Variants in RIF1 observed in about 807,000 individuals in gnomAD.
RIF1 encodes telomere-associated protein RIF1.
RIF1 carries 45 observed loss-of-function variants against 247.1 expected under a neutral mutation model. The ratio of observed to expected loss-of-function variants is 0.18; its 90% CI spans 0.14 to 0.23. RIF1 has a LOEUF of 0.23. Among genes scored for constraint, RIF1 ranks in the 10% least tolerant of loss-of-function variants. The pLI is 1.00. For synonymous variants in RIF1, 1,087 were observed against 978.8 expected (o/e 1.11, Z -2.06); for missense variants, 2,967 against 2,862.5 (o/e 1.04, Z -0.83).
chr2:151,424,203 A>G (rs937046485), intron 8 of RIF1, among the ~76,000 whole-genome samples: 1 of 152,184 alleles, frequency 6.6e-6, no homozygotes, highest in African/African-American at 2.4e-5. Context: ...TCCCGGGTTC[A>G]TGCAATTCTC....
intron 19 of RIF1, 128 bp downstream of exon 19, chr2:151,445,573 G>A: frequency 1.6e-6 from 1 of 640,446 alleles, no homozygotes; most frequent in South Asian, 1.9e-5. Context: ...TTTTGAGACA[G>A]TCTCACATTG....
intron 8 of RIF1, among the ~76,000 whole-genome samples, chr2:151,426,167 A>ATTTTTTTTTT (rs1345679795): frequency 1.2e-5 from 1 of 83,854 alleles, no homozygotes; most frequent in African/African-American, 4.3e-5. Context: ...TTTGGCTTTT[A>ATTTTTTTTTT]ATTTTTTTTT....
At chr2:151,437,150 C>A (rs533359821) in intron 12 of RIF1, 91 bp from the exon 13 acceptor site, 19 of 1,219,502 alleles carry the variant, frequency 1.6e-5, no homozygotes, top group African/African-American at 4.6e-5. Flanking sequence ...GAAAACACAC[C>A]TACTTAATAG....
In RIF1 at chr2:151,475,255, CT is replaced by C. The variant is rs34575263; in HGVS notation, c.*194del. ...TTTTGTAAGTTCATTATGTAAGATC[CT>C]TTTTTTTTTCATAATATGTATTCTT... On this transcript the variant is annotated 3_prime_UTR_variant, in exon 36 of 36. Coordinates refer to ENST00000444746, the MANE Select transcript of RIF1 (RefSeq NM_018151.5). 2,928 of 484,560 alleles carry C rather than the reference CT, an allele frequency of 6.0e-3. 25 individuals are homozygous for C. Among genetic ancestry groups the C allele is most frequent in the East Asian group, 0.036 (1,011 of 27,704 alleles). The allele number at this position is 484,560 out of a possible 1,614,324, so 30.0% of individuals were successfully genotyped here.
the RIF1 span, chr2:151,513,731 A>C: frequency 8.3e-6 from 11 of 1,321,122 alleles, no homozygotes; most frequent in Non-Finnish European, 1.1e-5. Flanking sequence ...AGGTACCTAA[A>C]TGCTACTACT....
chr2:151,496,329 C>T lies in RIF1; in HGVS notation c.*513+1003C>T. The T allele has an allele frequency of 6.2e-7, 1 of 1,611,018 alleles. No individual in the cohort carries two copies. The highest frequency in any genetic ancestry group is 8.5e-7 in the Non-Finnish European group (1 of 1,178,310). On this transcript the variant is annotated intron_variant and NMD_transcript_variant, in intron 10 of 13. Coordinates refer to the RIF1 transcript ENST00000454583. ...ACTCGCTCCATCTCGGGAGTGACAGCTAAAGGAGTTCCCTTGCCCATGTTT... is the reference window on the plus strand; with the variant it reads ...ACTCGCTCCATCTCGGGAGTGACAGTTAAAGGAGTTCCCTTGCCCATGTTT...
chr2:151,516,049 C>G, the RIF1 span, among the ~76,000 whole-genome samples: 1 of 152,254 alleles, frequency 6.6e-6, no homozygotes, highest in South Asian at 2.1e-4. Context: ...TATCTGGGGT[C>G]TTGATAAACA....
chr2:151,500,575 A>AATAAG (rs2063667206), intron 11 of RIF1, among the ~76,000 whole-genome samples: 1 of 151,014 alleles, frequency 6.6e-6, no homozygotes, highest in African/African-American at 2.4e-5. Flanking sequence ...TAAGTATCAA[A>AATAAG]ATAAGATTTC....
chr2:151,516,239 GT>G, the RIF1 span, among the ~76,000 whole-genome samples: 2 of 152,170 alleles, frequency 1.3e-5, no homozygotes, highest in South Asian at 4.1e-4. Flanking sequence ...AGAAATGGCT[GT>G]TGAAATAAGA....
intron 20 of RIF1, among the ~76,000 whole-genome samples, chr2:151,449,790 T>G (rs536424673): frequency 3.3e-5 from 5 of 152,304 alleles, no homozygotes; most frequent in Admixed American, 1.3e-4. Context: ...TTCAAACATA[T>G]GCATGTAAGA....
At chr2:151,520,734 C>T in the RIF1 span, among the ~76,000 whole-genome samples, 1 of 151,768 alleles carries the variant, frequency 6.6e-6, no homozygotes, top group African/African-American at 2.4e-5. Flanking sequence ...CATTGTGGTG[C>T]ACCCCTGTAG....
At chr2:151,450,594 C>CTT (rs527914694) in intron 20 of RIF1, among the ~76,000 whole-genome samples, 1 of 146,558 alleles carries the variant, frequency 6.8e-6, no homozygotes, top group East Asian at 2.0e-4. Context: ...ATAATTCTTT[C>CTT]TTTTTTTTTT....
At chr2:151,426,168 A>ATTTTTTTTTTTTTTTTTTTTTTTTT (rs35001554) in intron 8 of RIF1, among the ~76,000 whole-genome samples, 3 of 58,212 alleles carry the variant, frequency 5.2e-5, no homozygotes, top group African/African-American at 1.4e-4. Flanking sequence ...TTGGCTTTTA[A>ATTTTTTTTTTTTTTTTTTTTTTTTT]TTTTTTTTTT....
intron 11 of RIF1, among the ~76,000 whole-genome samples, chr2:151,502,110 A>C (rs916846378): frequency 6.6e-6 from 1 of 152,214 alleles, no homozygotes; most frequent in Admixed American, 6.5e-5. Context: ...TAAGTGAAGT[A>C]ACTCAGGAAT....
chr2:151,474,738 G>T (rs576903633), intron 35 of RIF1, 119 bp from the exon 36 acceptor site: 498 of 656,512 alleles, frequency 7.6e-4, no homozygotes, highest in Non-Finnish European at 1.2e-3. Context: ...TCCTCATGAA[G>T]ACTTAAGCCT....
At position 151,463,799 on chromosome 2, in the gene RIF1, T is replaced by A; in HGVS notation, c.4279T>A (p.Ser1427Thr). ...AAGGCGACGTTCAGAAGTAGTAGAG[T>A]CTACCACTGAAAGCCAAGATAAGGA... ...SSRRRSEVVE[S>T]TTESQDKENS... Residue 1427 changes from serine to threonine, a missense_variant, in exon 30 of 36, where the codon TCT becomes ACT. Transcript: ENST00000444746. 1 of 1,611,976 alleles carries A rather than the reference T, an allele frequency of 6.2e-7. No individual in the cohort carries two copies. The highest frequency in any genetic ancestry group is 1.7e-5 in the Admixed American group (1 of 59,586).
In RIF1 at chr2:151,451,645, G is replaced by C. The variant is rs767296996; in HGVS notation, c.2284G>C (p.Val762Leu). 1.4e-6 allele frequency: 2 copies of C among 1,474,146 alleles called. No individual in the cohort carries two copies. Among genetic ancestry groups the C allele is most frequent in the African/African-American group, 2.8e-5 (2 of 72,036 alleles). 91.3% of individuals were successfully genotyped at this position (1,474,146 alleles called of 1,614,324 possible). ...FVDRIIYIIT[V>L]MVDCIDFSPY... ...GGATAGAATTATTTATATTATTACTGTAATGGTTGATTGCATTGACTTCTC... is the reference window on the plus strand; with the variant it reads ...GGATAGAATTATTTATATTATTACTCTAATGGTTGATTGCATTGACTTCTC... Residue 762 changes from valine to leucine, a missense_variant, in exon 21 of 36, where the codon GTA (valine) becomes CTA (leucine). This residue lies in a region of RIF1 where 2,028 missense variants were observed against 1,825.6 expected (regional missense o/e 1.11). Coordinates refer to ENST00000444746, the MANE Select transcript of RIF1 (RefSeq NM_018151.5).
chr2:151,506,928 T>C, intron 13 of RIF1: 3 of 1,607,538 alleles, frequency 1.9e-6, no homozygotes, highest in Non-Finnish European at 2.6e-6. Context: ...ATTCTTCTGA[T>C]TTTCTTTTAC....
At chr2:151,448,388 A>G (rs750881866) in intron 20 of RIF1, among the ~76,000 whole-genome samples, 1 of 152,064 alleles carries the variant, frequency 6.6e-6, no homozygotes, top group Non-Finnish European at 1.5e-5. Context: ...CAACAAAGCA[A>G]ATTCCCCCTC....
Sources: allele counts gnomAD v4.1 joint callset (sites outside exome capture counted in the v4.1 genomes callset), GRCh38; gene constraint gnomAD v4.1.1; regional missense constraint gnomAD v4.1.1; transcripts MANE v1.5; gene names NCBI Gene and HGNC (gene_info 2026-07-23, HGNC 2026-07-21).